Variants in PGPEP1L observed in about 807,000 individuals in gnomAD.
PGPEP1L encodes pyroglutamyl-peptidase I like.
Under a neutral mutation model 6.0 loss-of-function variants are expected in PGPEP1L, and 7 were observed. The observed-to-expected ratio is 1.17, with a 90% CI of 0.66 to 2.19. PGPEP1L has a LOEUF of 2.19. PGPEP1L is among the 30% of genes most tolerant of loss of function. The pLI is 0.00. For missense variants in PGPEP1L, 209 were observed against 192.5 expected, an observed-to-expected ratio of 1.09 and a Z score of -0.51; for synonymous variants, 103 against 83.9, an observed-to-expected ratio of 1.23 and a Z score of -1.24.
chr15:98,982,699 GCTTTTTTT>G (rs1256730967), intron 2 of PGPEP1L, among the ~76,000 whole-genome samples: 16 of 73,456 alleles, frequency 2.2e-4, no homozygotes, highest in African/African-American at 4.3e-4. Context: ...TTTATCTGAG[GCTTTTTTT>G]TTTTTTTTTT....
At chr15:98,990,545 A>C (rs1318574239) in intron 2 of PGPEP1L, among the ~76,000 whole-genome samples, 2 of 152,228 alleles carry the variant, frequency 1.3e-5, no homozygotes, top group African/African-American at 4.8e-5. Context: ...TCAATATTAA[A>C]CAGATCAATG....
At chr15:99,004,338 G>C (rs1555473373) in intron 2 of PGPEP1L, among the ~76,000 whole-genome samples, 2 of 151,492 alleles carry the variant, frequency 1.3e-5, no homozygotes, top group Non-Finnish European at 2.9e-5. Flanking sequence ...GAGCCCAGGA[G>C]TTTGAGGCTG....
chr15:99,002,015 C>T (rs1265875871), intron 2 of PGPEP1L, among the ~76,000 whole-genome samples: 1 of 152,052 alleles, frequency 6.6e-6, no homozygotes, highest in Non-Finnish European at 1.5e-5. Flanking sequence ...TCGCACCTGG[C>T]CCTATTTTTA....
intron 2 of PGPEP1L, among the ~76,000 whole-genome samples, chr15:99,000,245 G>A (rs911495674): frequency 7.2e-5 from 11 of 152,330 alleles, no homozygotes; most frequent in African/African-American, 1.2e-4. Context: ...CCTTCCTGCC[G>A]GGCAGGGCTC....
chr15:98,994,593 GA>G (rs201180834), intron 2 of PGPEP1L, among the ~76,000 whole-genome samples: 2 of 150,068 alleles, frequency 1.3e-5, no homozygotes, highest in African/African-American at 2.4e-5. Flanking sequence ...TATCAAAAAA[GA>G]AAAAAAAATG....
At chr15:98,972,350 T>C (rs1567234480) in intron 2 of PGPEP1L, among the ~76,000 whole-genome samples, 2 of 120,562 alleles carry the variant, frequency 1.7e-5, no homozygotes, top group Admixed American at 1.8e-4. Flanking sequence ...CAAAACTCCG[T>C]CTCAAAAATA....
intron 2 of PGPEP1L, among the ~76,000 whole-genome samples, chr15:98,997,927 G>A (rs1174987806): frequency 1.3e-5 from 2 of 152,070 alleles, no homozygotes; most frequent in African/African-American, 2.4e-5. Context: ...AGGGGCATGA[G>A]GCAGACAAGT....
At chr15:98,978,303 C>T (rs978699840) in intron 2 of PGPEP1L, among the ~76,000 whole-genome samples, 1 of 152,164 alleles carries the variant, frequency 6.6e-6, no homozygotes, top group African/African-American at 2.4e-5. Flanking sequence ...CTGAGAGGTG[C>T]AACTTCCCAA....
chr15:98,982,673 C>T (rs1261808828), intron 2 of PGPEP1L, among the ~76,000 whole-genome samples: 16 of 137,150 alleles, frequency 1.2e-4, no homozygotes, highest in Non-Finnish European at 2.1e-4. Context: ...CTCCCTTCCT[C>T]CTCACTCTGG....
At chr15:98,993,572 C>G (rs2017846432) in intron 2 of PGPEP1L, among the ~76,000 whole-genome samples, 1 of 139,132 alleles carries the variant, frequency 7.2e-6, no homozygotes, top group African/African-American at 2.7e-5. Flanking sequence ...TACACAGATA[C>G]AGAAAATCAA....
chr15:98,999,159 T>C (rs535085562), intron 2 of PGPEP1L, among the ~76,000 whole-genome samples: 19 of 152,316 alleles, frequency 1.2e-4, no homozygotes, highest in East Asian at 1.2e-3. Context: ...GAGGAAGAGA[T>C]AAGCTACAGA....
chr15:98,983,401 A>G (rs552250218), intron 2 of PGPEP1L, among the ~76,000 whole-genome samples: 3 of 152,296 alleles, frequency 2.0e-5, no homozygotes, highest in African/African-American at 4.8e-5. Context: ...CTGCATGTCA[A>G]GTTTATCAAA....
chr15:98,974,123 G>A (rs1052436386), intron 2 of PGPEP1L, among the ~76,000 whole-genome samples: 1 of 152,208 alleles, frequency 6.6e-6, no homozygotes, highest in East Asian at 1.9e-4. Flanking sequence ...GCTCATGGCT[G>A]TAATCCCACC....
At chr15:98,995,577 T>A (rs1055478758) in intron 2 of PGPEP1L, among the ~76,000 whole-genome samples, 2 of 152,108 alleles carry the variant, frequency 1.3e-5, no homozygotes, top group African/African-American at 4.8e-5. Flanking sequence ...ATGCCTGTAA[T>A]CCCAGCTACT....
At chr15:98,970,719 G>A (rs559868735) in intron 3 of PGPEP1L, among the ~76,000 whole-genome samples, 15 of 152,258 alleles carry the variant, frequency 9.9e-5, no homozygotes, top group African/African-American at 3.4e-4. Context: ...GCCCCTCATG[G>A]GTATGTGTGG....
At chr15:98,974,317 T>C (rs1242962562) in intron 2 of PGPEP1L, among the ~76,000 whole-genome samples, 1 of 151,924 alleles carries the variant, frequency 6.6e-6, no homozygotes, top group Non-Finnish European at 1.5e-5. Flanking sequence ...AGGTTGAGAC[T>C]GCAGTAAGCC....
rs556373314 is a variant in PGPEP1L at position 98,971,175 on chromosome 15, G to A, written c.-141-17C>T. The A allele has an allele frequency of 1.4e-6, 2 of 1,393,518 alleles. No individual in the cohort carries two copies. Among genetic ancestry groups the A allele is most frequent in the South Asian group, 1.2e-5 (1 of 82,390 alleles). The allele number at this position is 1,393,518 out of a possible 1,614,324, so 86.3% of individuals were successfully genotyped here. On this transcript the variant is annotated splice_polypyrimidine_tract_variant and intron_variant, in intron 2 of 4. Transcript: ENST00000535714. ...GGAGAGCTCCTGAGGAAAGCGGCAG[G>A]TGGACTTGCCTCAGTTGATGGGGGG...
chr15:98,992,694 C>G lies in PGPEP1L; in HGVS notation c.-142+12735G>C, dbSNP rs2017835484. On this transcript the variant is annotated intron_variant, in intron 2 of 4. Transcript: ENST00000535714. ...AGGCATCACATTACCTGACTTCAAA[C>G]TATACTACAAGGCTGCAGTAACAAA... Among the ~76,000 whole-genome samples, 3 of 152,204 alleles carry G rather than the reference C, an allele frequency of 2.0e-5. No individual in the cohort carries two copies. In the South Asian group the frequency reaches 6.2e-4, roughly 32 times the overall value.
intron 2 of PGPEP1L, chr15:99,001,190 G>C (rs1353939341): frequency 2.3e-6 from 1 of 431,974 alleles, no homozygotes; most frequent in Non-Finnish European, 4.6e-6. Flanking sequence ...CACTCACCAC[G>C]AGAGTCCGCG....
Sources: allele counts gnomAD v4.1 joint callset (sites outside exome capture counted in the v4.1 genomes callset), GRCh38; gene constraint gnomAD v4.1.1; transcripts MANE v1.5; gene names NCBI Gene and HGNC (gene_info 2026-07-23, HGNC 2026-07-21).